The following SLC30A8 variants were observed in gnomAD, a reference collection of about 807,000 sequenced individuals.
The protein encoded by SLC30A8 is solute carrier family 30 member 8, also known as proton-coupled zinc antiporter SLC30A8.
In SLC30A8, 27 loss-of-function variants were observed where a neutral mutation model predicts 36.9. The observed-to-expected ratio is 0.73, with a 90% CI of 0.54 to 1.01. The LOEUF is 1.01. Among genes scored for constraint, SLC30A8 ranks in the 50% least tolerant of loss-of-function variants. SLC30A8 has a pLI of 0.00. For synonymous variants in SLC30A8, 164 were observed against 172.4 expected, an observed-to-expected ratio of 0.95 and a Z score of 0.38; for missense variants, 439 against 452.0, an observed-to-expected ratio of 0.97 and a Z score of 0.26.
rs1481838566 is a variant in SLC30A8, at chr8:117,175,503, T to C, written c.*2822T>C. On this transcript the variant is annotated 3_prime_UTR_variant, in exon 8 of 8. Transcript: ENST00000456015. Reference sequence around the variant, plus strand: ...CAGTTCTGAAGCTAGATTGTCTGAGTTTGAATCTTAGCTCTTCCCTTTATT... The same window carrying C: ...CAGTTCTGAAGCTAGATTGTCTGAGCTTGAATCTTAGCTCTTCCCTTTATT... 1 of 152,056 alleles carries C rather than the reference T, an allele frequency of 6.6e-6. No individual in the cohort carries two copies. The allele number at this position is 152,056 out of a possible 1,614,324, so 9.4% of individuals were successfully genotyped here.
intron 2 of SLC30A8, among the ~76,000 whole-genome samples, chr8:117,071,267 T>C (rs527301480): frequency 1.3e-5 from 2 of 152,290 alleles, no homozygotes; most frequent in Admixed American, 6.5e-5. Context: ...TGGTATCTTA[T>C]TGTACTTTTA....
intron 1 of SLC30A8, among the ~76,000 whole-genome samples, chr8:117,002,041 C>G (rs1214271533): frequency 6.6e-6 from 1 of 152,166 alleles, no homozygotes; most frequent in East Asian, 1.9e-4. Context: ...AAATTCAAAA[C>G]TAGGGCTCAG....
At chr8:117,063,063 G>C (rs958285012) in intron 2 of SLC30A8, among the ~76,000 whole-genome samples, 1 of 152,180 alleles carries the variant, frequency 6.6e-6, no homozygotes, top group African/African-American at 2.4e-5. Flanking sequence ...GAGTTCATGG[G>C]AAGTATTTAG....
chr8:116,979,481 G>A (rs1326136089), intron 1 of SLC30A8, among the ~76,000 whole-genome samples: 1 of 152,132 alleles, frequency 6.6e-6, no homozygotes, highest in Non-Finnish European at 1.5e-5. Context: ...AGATAGGACC[G>A]GAGATTAGTG....
chr8:117,097,107 T>C (rs1301353127), intron 2 of SLC30A8, among the ~76,000 whole-genome samples: 2 of 151,844 alleles, frequency 1.3e-5, no homozygotes, highest in African/African-American at 4.8e-5. Flanking sequence ...TTAAAACTTA[T>C]ATAAGTTCTG....
intron 2 of SLC30A8, among the ~76,000 whole-genome samples, chr8:117,097,139 C>G (rs1419997003): frequency 6.6e-6 from 1 of 151,596 alleles, no homozygotes. Flanking sequence ...GTGGCTCACG[C>G]CTGTAGATCC....
intron 1 of SLC30A8, among the ~76,000 whole-genome samples, chr8:116,985,212 G>C (rs1201087136): frequency 6.6e-6 from 1 of 150,768 alleles, no homozygotes; most frequent in Non-Finnish European, 1.5e-5. Flanking sequence ...TCATTTCCTG[G>C]GGTAGCTACT....
chr8:117,142,640 C>T (rs1821705611), intron 1 of SLC30A8, among the ~76,000 whole-genome samples: 1 of 152,106 alleles, frequency 6.6e-6, no homozygotes, highest in Non-Finnish European at 1.5e-5. Flanking sequence ...CAGCAATGCC[C>T]TCTACTTGGG....
At chr8:116,985,448 C>T (rs1586362393) in intron 1 of SLC30A8, among the ~76,000 whole-genome samples, 1 of 151,958 alleles carries the variant, frequency 6.6e-6, no homozygotes, top group East Asian at 1.9e-4. Context: ...ATATATATAA[C>T]CTTCCTGCTA....
At chr8:117,069,567 A>G (rs940213001) in intron 2 of SLC30A8, among the ~76,000 whole-genome samples, 3 of 152,222 alleles carry the variant, frequency 2.0e-5, no homozygotes, top group Admixed American at 6.5e-5. Context: ...GAAGAGTACA[A>G]TGGAGGTCTG....
chr8:117,174,544 G>C lies in SLC30A8; in HGVS notation c.*1863G>C, dbSNP rs1823573425. On this transcript the variant is annotated 3_prime_UTR_variant, in exon 8 of 8. Coordinates refer to ENST00000456015, the MANE Select transcript of SLC30A8 (RefSeq NM_173851.3). ...CCACATCGGGTTCTCAAAATGGAAAGAATGGTTTATGCCAAATCACTTTTC... is the reference window on the plus strand; with the variant it reads ...CCACATCGGGTTCTCAAAATGGAAACAATGGTTTATGCCAAATCACTTTTC... 6.6e-6 allele frequency: 1 copy of C among 152,508 alleles called. No individual in the cohort carries two copies. The highest frequency in any genetic ancestry group is 2.4e-5 in the African/African-American group (1 of 41,436). 9.4% of individuals were successfully genotyped at this position (152,508 alleles called of 1,614,324 possible).
chr8:116,995,406 C>T (rs1183256805), intron 1 of SLC30A8, among the ~76,000 whole-genome samples: 1 of 152,084 alleles, frequency 6.6e-6, no homozygotes, highest in Middle Eastern at 3.2e-3. Context: ...CCACACCTCA[C>T]AGATGAAAAA....
chr8:116,985,958 G>T (rs1229727942), intron 1 of SLC30A8, among the ~76,000 whole-genome samples: 2 of 152,100 alleles, frequency 1.3e-5, no homozygotes, highest in African/African-American at 2.4e-5. Flanking sequence ...TAAAAAAGAT[G>T]CTTCTGAAAC....
chr8:117,063,083 A>G (rs887037767), intron 2 of SLC30A8, among the ~76,000 whole-genome samples: 6 of 152,178 alleles, frequency 3.9e-5, no homozygotes, highest in African/African-American at 1.4e-4. Context: ...GAGACCACAC[A>G]AGCCAGAATG....
rs1242891238 is a variant in SLC30A8 at position 117,176,683 on chromosome 8, GTGT to G, written c.*4007_*4009del. ...AAATTCTATTTTAAAATGTTAATGT[GTGT>G]TGTTTAAAATAAAATCAAGAAAGAG... On this transcript the variant is annotated 3_prime_UTR_variant, in exon 8 of 8. Transcript: ENST00000456015. 1 of 152,496 alleles carries G rather than the reference GTGT, an allele frequency of 6.6e-6. No individual in the cohort carries two copies. The highest frequency in any genetic ancestry group is 2.4e-5 in the African/African-American group (1 of 41,426). The allele number at this position is 152,496 out of a possible 1,614,324, so 9.4% of individuals were successfully genotyped here.
At position 117,161,856 on chromosome 8, in the gene SLC30A8, G is replaced by A; in HGVS notation, c.691G>A (p.Val231Met). The A allele has an allele frequency of 6.2e-7, 1 of 1,613,736 alleles. No individual in the cohort carries two copies. The highest frequency in any genetic ancestry group is 8.5e-7 in the Non-Finnish European group (1 of 1,179,782). The change falls in exon 5 of 8, where the codon GTG becomes ATG. Residue 231 changes from valine to methionine, a missense_variant. Val to Met is a conservative substitution (Grantham distance 21). Transcript: ENST00000456015. ...ALGDLFQSIS[V>M]LISALIIYFK... The stretch of plus-strand genomic sequence containing the variant: ...TGGAGATCTATTTCAGAGTATCAGT[G>A]TGCTAATTAGTGCACTTATTATCTA...
chr8:117,077,153 A>G (rs556472217), intron 2 of SLC30A8, among the ~76,000 whole-genome samples: 2 of 152,272 alleles, frequency 1.3e-5, no homozygotes, highest in African/African-American at 2.4e-5. Context: ...GAGCTCTCCT[A>G]TGTGACCTAG....
chr8:117,023,809 A>T (rs1816787310), intron 1 of SLC30A8, among the ~76,000 whole-genome samples: 1 of 152,046 alleles, frequency 6.6e-6, no homozygotes, highest in African/African-American at 2.4e-5. Context: ...AACATGGCAC[A>T]TGTATACATG....
chr8:117,040,034 A>G (rs1045897896), intron 2 of SLC30A8, among the ~76,000 whole-genome samples: 4 of 152,146 alleles, frequency 2.6e-5, no homozygotes, highest in Non-Finnish European at 5.9e-5. Context: ...TTCTTCCCCC[A>G]TCTCACGTAG....
Sources: allele counts gnomAD v4.1 joint callset (sites outside exome capture counted in the v4.1 genomes callset), GRCh38; gene constraint gnomAD v4.1.1; transcripts MANE v1.5; gene names NCBI Gene and HGNC (gene_info 2026-07-23, HGNC 2026-07-21).